OPCML: variants seen among roughly 807,000 people sequenced by gnomAD.
OPCML encodes opioid-binding protein/cell adhesion molecule.
OPCML carries 13 observed loss-of-function variants against 37.8 expected under a neutral mutation model. The observed-to-expected ratio is 0.34, with a 90% CI of 0.22 to 0.55. OPCML has a LOEUF of 0.55. OPCML is among the 20% of genes least tolerant of loss of function. The pLI, the probability that OPCML is intolerant of heterozygous loss-of-function variation, is 0.91. For synonymous variants in OPCML, 176 were observed against 168.8 expected (o/e 1.04, Z -0.33); for missense variants, 341 against 435.6 (o/e 0.78, Z 1.93).
At chr11:133,003,642 T>C (rs1947053261) in intron 1 of OPCML, 1 of 985,286 alleles carries the variant, frequency 1.0e-6, no homozygotes, top group South Asian at 4.7e-5. Flanking sequence ...TATTCTATTG[T>C]TTTGTGGAAC....
intron 2 of OPCML, among the ~76,000 whole-genome samples, chr11:132,892,262 T>C (rs968544689): frequency 6.6e-6 from 1 of 151,954 alleles, no homozygotes; most frequent in Admixed American, 6.5e-5. Flanking sequence ...TTAGAATAGA[T>C]CCTAAAGGCA....
intron 1 of OPCML, chr11:133,421,832 C>T (rs1945892715): frequency 2.2e-6 from 2 of 906,030 alleles, no homozygotes; most frequent in Non-Finnish European, 2.6e-6. Flanking sequence ...AGAGCAGAAA[C>T]AAGCCATCCC....
At chr11:132,499,246 GC>G (rs2096240745) in intron 4 of OPCML, among the ~76,000 whole-genome samples, 1 of 152,226 alleles carries the variant, frequency 6.6e-6, no homozygotes, top group African/African-American at 2.4e-5. Context: ...ACGGCACCAT[GC>G]AAAGAGCAGA....
At chr11:133,290,037 C>A (rs780215479) in intron 1 of OPCML, among the ~76,000 whole-genome samples, 18 of 152,198 alleles carry the variant, frequency 1.2e-4, no homozygotes, top group Non-Finnish European at 2.2e-4. Flanking sequence ...AGCTCCAGAT[C>A]TTTTCCTTCC....
At chr11:133,243,423 C>A (rs1940803982) in intron 1 of OPCML, among the ~76,000 whole-genome samples, 1 of 152,132 alleles carries the variant, frequency 6.6e-6, no homozygotes, top group African/African-American at 2.4e-5. Context: ...ATAACTTGAT[C>A]CCAGGGAGGA....
intron 1 of OPCML, among the ~76,000 whole-genome samples, chr11:133,085,790 G>A (rs1020891697): frequency 1.3e-5 from 2 of 152,238 alleles, no homozygotes; most frequent in African/African-American, 4.8e-5. Flanking sequence ...AACTAGAAGA[G>A]AAGAGAGACT....
intron 2 of OPCML, among the ~76,000 whole-genome samples, chr11:132,725,140 A>C (rs1333206787): frequency 6.6e-6 from 1 of 152,176 alleles, no homozygotes; most frequent in Non-Finnish European, 1.5e-5. Flanking sequence ...TCTTTTCTGC[A>C]CTGCCCTAGC....
At chr11:132,646,859 T>C (rs570306356) in intron 3 of OPCML, among the ~76,000 whole-genome samples, 8 of 152,130 alleles carry the variant, frequency 5.3e-5, no homozygotes, top group African/African-American at 1.9e-4. Flanking sequence ...AGAATGGAAT[T>C]AGGAAAGAAC....
At chr11:133,204,589 G>T (rs1938951384) in intron 1 of OPCML, among the ~76,000 whole-genome samples, 3 of 152,002 alleles carry the variant, frequency 2.0e-5, no homozygotes, top group Non-Finnish European at 4.4e-5. Context: ...CTTGGGTTTT[G>T]TGTGTTTGGG....
intron 1 of OPCML, among the ~76,000 whole-genome samples, chr11:133,095,306 A>G (rs1413245589): frequency 1.4e-4 from 6 of 43,020 alleles, no homozygotes; most frequent in Non-Finnish European, 2.3e-4. Flanking sequence ...TTTTTTTTGC[A>G]GCTGCACGTG....
At chr11:132,585,722 A>G (rs1011542112) in intron 3 of OPCML, among the ~76,000 whole-genome samples, 2 of 152,214 alleles carry the variant, frequency 1.3e-5, no homozygotes, top group Non-Finnish European at 2.9e-5. Flanking sequence ...CTTAATTTGT[A>G]CAATCTAAAG....
chr11:132,571,613 T>A (rs569109813), intron 3 of OPCML, among the ~76,000 whole-genome samples: 1 of 152,336 alleles, frequency 6.6e-6, no homozygotes, highest in Non-Finnish European at 1.5e-5. Context: ...TTCCTTTTTG[T>A]AACTCTGAGT....
chr11:132,490,413 G>A (rs2137065062), intron 4 of OPCML, among the ~76,000 whole-genome samples: 1 of 152,128 alleles, frequency 6.6e-6, no homozygotes, highest in South Asian at 2.1e-4. Context: ...TTTGCTTGGT[G>A]AAGAGCTCCA....
In OPCML at chr11:132,538,323, T is replaced by C. The variant is rs191480642; in HGVS notation, c.380-9137A>G. On this transcript the variant is annotated intron_variant, in intron 3 of 7. Coordinates refer to ENST00000524381, the MANE Select transcript of OPCML (RefSeq NM_001012393.5). Reference sequence around the variant, plus strand: ...GAAACACAAAAGACCACATATTGTATGATTCCATTCATGTAGGATATCCAG... The same window carrying C: ...GAAACACAAAAGACCACATATTGTACGATTCCATTCATGTAGGATATCCAG... Among the ~76,000 whole-genome samples, 47 of 152,338 alleles carry C rather than the reference T, an allele frequency of 3.1e-4. No homozygotes were observed. The East Asian group carries it at 5.8e-3, about 19-fold the overall frequency.
intron 3 of OPCML, among the ~76,000 whole-genome samples, chr11:132,547,908 A>C (rs538935186): frequency 6.6e-6 from 1 of 152,176 alleles, no homozygotes; most frequent in Non-Finnish European, 1.5e-5. Context: ...CCAACAATGC[A>C]AGATTAATTC....
At chr11:133,018,732 G>A (rs568194529) in intron 1 of OPCML, among the ~76,000 whole-genome samples, 2 of 152,344 alleles carry the variant, frequency 1.3e-5, no homozygotes, top group South Asian at 2.1e-4. Flanking sequence ...TGATCCCAGA[G>A]GGCAAGAATG....
chr11:132,649,108 G>A (rs143706972), intron 3 of OPCML, among the ~76,000 whole-genome samples: 8 of 152,264 alleles, frequency 5.3e-5, no homozygotes, highest in Admixed American at 2.0e-4. Context: ...AACTGTGTGC[G>A]TGTAAGAGTG....
At chr11:132,701,804 T>C (rs1179277823) in intron 2 of OPCML, among the ~76,000 whole-genome samples, 2 of 127,406 alleles carry the variant, frequency 1.6e-5, no homozygotes, top group African/African-American at 5.9e-5. Context: ...GTGGTGGTGG[T>C]GGGCGTGTGC....
intron 2 of OPCML, among the ~76,000 whole-genome samples, chr11:132,747,327 A>G (rs1254685273): frequency 6.6e-6 from 1 of 152,304 alleles, no homozygotes; most frequent in African/African-American, 2.4e-5. Context: ...TAAAATTGGG[A>G]ATAAGTAGGC....
Sources: allele counts gnomAD v4.1 joint callset (sites outside exome capture counted in the v4.1 genomes callset), GRCh38; gene constraint gnomAD v4.1.1; transcripts MANE v1.5; gene names NCBI Gene and HGNC (gene_info 2026-07-23, HGNC 2026-07-21).